STK10: variants seen among roughly 807,000 people sequenced by gnomAD.
STK10 encodes serine/threonine-protein kinase 10.
In STK10, 78 loss-of-function variants were observed where a neutral mutation model predicts 113.8. That is an observed-to-expected ratio of 0.69 (90% CI 0.57 to 0.83). The LOEUF is 0.83. Ranked by LOEUF, STK10 falls within the 40% of genes least tolerant of loss-of-function variation. The pLI, the probability that STK10 is intolerant of heterozygous loss-of-function variation, is 0.00. For missense variants in STK10, 1,109 were observed against 1,280.1 expected, an observed-to-expected ratio of 0.87 and a Z score of 2.04; for synonymous variants, 465 against 494.7, an observed-to-expected ratio of 0.94 and a Z score of 0.80.
At chr5:172,134,923 CA>C (rs546228084) in intron 2 of STK10, among the ~76,000 whole-genome samples, 336 of 126,556 alleles carry the variant, frequency 2.7e-3, no homozygotes, top group African/African-American at 7.4e-3. Flanking sequence ...GACTTTATCT[CA>C]AAAAAAAAAA....
chr5:172,081,490 T>C (rs543439079), intron 12 of STK10, among the ~76,000 whole-genome samples: 1 of 152,280 alleles, frequency 6.6e-6, no homozygotes, highest in East Asian at 1.9e-4. Context: ...CAGTATTCGC[T>C]TTATTGCGGT....
At chr5:172,101,484 A>C (rs1026958784) in intron 7 of STK10, among the ~76,000 whole-genome samples, 1 of 152,100 alleles carries the variant, frequency 6.6e-6, no homozygotes, top group Non-Finnish European at 1.5e-5. Context: ...AAAAAAAAAA[A>C]AAAAGTCAAT....
chr5:172,161,696 G>A (rs1382564408), intron 1 of STK10, among the ~76,000 whole-genome samples: 1 of 152,186 alleles, frequency 6.6e-6, no homozygotes, highest in Non-Finnish European at 1.5e-5. Flanking sequence ...CTGCTTATAT[G>A]TGTCAGTGCA....
chr5:172,060,068 T>C (rs1158389267), intron 14 of STK10, among the ~76,000 whole-genome samples: 1 of 152,180 alleles, frequency 6.6e-6, no homozygotes, highest in Non-Finnish European at 1.5e-5. Flanking sequence ...GATTAGGTCA[T>C]GAGGGTGGAG....
intron 2 of STK10, among the ~76,000 whole-genome samples, chr5:172,128,877 G>A (rs1432357324): frequency 6.6e-6 from 1 of 152,208 alleles, no homozygotes; most frequent in Non-Finnish European, 1.5e-5. Flanking sequence ...GCCAGAGGAG[G>A]GTGGAGCAGC....
At chr5:172,106,568 C>G in intron 6 of STK10, 52 bp downstream of exon 6, 35 of 1,554,220 alleles carry the variant, frequency 2.3e-5, no homozygotes, top group Non-Finnish European at 3.0e-5. Context: ...CATATTCCAG[C>G]CCTAATCCCG....
At chr5:172,110,963 AGCCCCGGTTAGT>A (rs1769226222) in intron 4 of STK10, among the ~76,000 whole-genome samples, 1 of 152,084 alleles carries the variant, frequency 6.6e-6, no homozygotes, top group South Asian at 2.1e-4. Context: ...CTGGCTTCTG[AGCCCCGGTTAGT>A]GCTAACTGGA....
At chr5:172,068,989 T>C (rs1446788675) in intron 12 of STK10, among the ~76,000 whole-genome samples, 1 of 151,928 alleles carries the variant, frequency 6.6e-6, no homozygotes, top group East Asian at 1.9e-4. Flanking sequence ...AGAATTACAA[T>C]ATCAACTCTA....
intron 1 of STK10, among the ~76,000 whole-genome samples, chr5:172,168,896 G>C (rs1770617291): frequency 6.6e-6 from 1 of 152,060 alleles, no homozygotes. Flanking sequence ...AAACACTCAG[G>C]GTGAACCCTC....
Position 172,042,842 on chromosome 5 carries a change from AAGATTTGGGC to A in STK10, c.*2030_*2039del, listed in dbSNP as rs1767407648. 6.6e-6 allele frequency: 1 copy of A among 152,232 alleles called. No homozygotes were observed. Among genetic ancestry groups the A allele is most frequent in the Admixed American group, 6.5e-5 (1 of 15,280 alleles). 9.4% of individuals were successfully genotyped at this position (152,232 alleles called of 1,614,324 possible). Reference sequence around the variant, plus strand: ...CCAAGAGAATCTTGACTGTGCATTTAAGATTTGGGCAGTCCCCTTTTCCTGTTGAAGGGCT... The same window carrying A: ...CCAAGAGAATCTTGACTGTGCATTTAAGTCCCCTTTTCCTGTTGAAGGGCT... On this transcript the variant is annotated 3_prime_UTR_variant, in exon 19 of 19. Transcript: ENST00000176763.
At chr5:172,176,719 C>T (rs1056819764) in intron 1 of STK10, among the ~76,000 whole-genome samples, 23 of 152,226 alleles carry the variant, frequency 1.5e-4, no homozygotes, top group African/African-American at 5.5e-4. Context: ...AATTCATTGG[C>T]TTAGCATTCA....
chr5:172,073,461 AT>A (rs199894007), intron 12 of STK10, among the ~76,000 whole-genome samples: 11 of 147,214 alleles, frequency 7.5e-5, no homozygotes, highest in Non-Finnish European at 1.4e-4. Flanking sequence ...CTAATTTTTA[AT>A]TTTTTTTTTG....
At chr5:172,072,269 CT>C (rs146422376) in intron 12 of STK10, among the ~76,000 whole-genome samples, 31,984 of 151,450 alleles carry the variant, frequency 0.21, 4,386 homozygotes, top group African/African-American at 0.39. Flanking sequence ...TTTTTCTTTT[CT>C]TTTCTTTTTT....
At chr5:172,085,808 G>A (rs938010910) in intron 10 of STK10, among the ~76,000 whole-genome samples, 2 of 152,070 alleles carry the variant, frequency 1.3e-5, no homozygotes, top group African/African-American at 2.4e-5. Context: ...GGCTCCTGGC[G>A]GCCTCTCAGG....
chr5:172,129,284 T>C (rs1356722939), intron 2 of STK10, among the ~76,000 whole-genome samples: 1 of 152,174 alleles, frequency 6.6e-6, no homozygotes, highest in African/African-American at 2.4e-5. Context: ...CTGCCAGGCT[T>C]GCCACTTGCC....
intron 7 of STK10, among the ~76,000 whole-genome samples, chr5:172,100,887 C>T (rs116455530): frequency 6.6e-6 from 1 of 152,188 alleles, no homozygotes; most frequent in Non-Finnish European, 1.5e-5. Flanking sequence ...TTCTTCCCTC[C>T]CTCTCTCTTT....
chr5:172,154,093 C>T (rs1240781402), intron 2 of STK10, among the ~76,000 whole-genome samples: 1 of 152,174 alleles, frequency 6.6e-6, no homozygotes, highest in African/African-American at 2.4e-5. Context: ...GTCTCCATTA[C>T]CTAAAACAGT....
chr5:172,159,859 C>T (rs1581184955), intron 1 of STK10, among the ~76,000 whole-genome samples: 1 of 151,942 alleles, frequency 6.6e-6, no homozygotes. Context: ...AGAAAAAGGC[C>T]GGGCGCAGTG....
intron 18 of STK10, 94 bp from the exon 19 acceptor site, chr5:172,045,116 T>C: frequency 6.5e-7 from 1 of 1,538,672 alleles, no homozygotes; most frequent in Non-Finnish European, 8.8e-7. Flanking sequence ...TGGCCTTCTC[T>C]GGAACATTCC....
Sources: allele counts gnomAD v4.1 joint callset (sites outside exome capture counted in the v4.1 genomes callset), GRCh38; gene constraint gnomAD v4.1.1; transcripts MANE v1.5; gene names NCBI Gene and HGNC (gene_info 2026-07-23, HGNC 2026-07-21).